Variants in SLC39A10 observed in about 807,000 individuals in gnomAD.
The protein encoded by SLC39A10 is solute carrier family 39 member 10.
SLC39A10 carries 13 observed loss-of-function variants against 65.1 expected under a neutral mutation model. The ratio of observed to expected loss-of-function variants is 0.20; its 90% CI spans 0.13 to 0.32. SLC39A10 has a LOEUF of 0.32. Ranked by LOEUF, SLC39A10 falls within the 10% of genes least tolerant of loss-of-function variation. The probability of loss-of-function intolerance (pLI) is 1.00; values close to 1 mark genes in which losing one functional copy is unlikely to be tolerated. For missense variants in SLC39A10, 831 were observed against 1,018.4 expected (o/e 0.82, Z 2.50); for synonymous variants, 321 against 342.2 (o/e 0.94, Z 0.68).
intron 9 of SLC39A10, among the ~76,000 whole-genome samples, chr2:195,734,217 C>T (rs1403161926): frequency 1.4e-5 from 2 of 148,050 alleles, no homozygotes; most frequent in Non-Finnish European, 3.0e-5. Context: ...GTTGCCCAGG[C>T]TGGAGTGCAG....
At position 195,706,843 on chromosome 2, in the gene SLC39A10, G is replaced by C. The variant is rs1039410723; in HGVS notation, c.1386+58G>C. 9.7e-5 allele frequency: 123 copies of C among 1,265,506 alleles called. 1 individual carries two copies. Among genetic ancestry groups the C allele is most frequent in the Non-Finnish European group, 1.2e-4 (119 of 965,792 alleles). The allele number at this position is 1,265,506 out of a possible 1,614,324, so 78.4% of individuals were successfully genotyped here. A position where few individuals can be genotyped will look rare whatever the true frequency, so the allele number is the denominator to read the frequency against. On this transcript the variant is annotated intron_variant, in intron 4 of 9. Coordinates refer to ENST00000359634, the MANE Select transcript of SLC39A10 (RefSeq NM_020342.3). ...AAAATAAAAATATTTAAGCTGAAAG[G>C]GTCCTTCATTAGCAAGCTATAGCAC...
At chr2:195,645,667 T>A (rs1199223644) in intron 2 of SLC39A10, among the ~76,000 whole-genome samples, 1 of 152,226 alleles carries the variant, frequency 6.6e-6, no homozygotes, top group Admixed American at 6.5e-5. Flanking sequence ...AAATACCTCA[T>A]AGAAGTGAAA....
At chr2:195,692,060 CTACATATGGCTTACCA>C (rs1690764271) in intron 3 of SLC39A10, among the ~76,000 whole-genome samples, 2 of 152,192 alleles carry the variant, frequency 1.3e-5, no homozygotes, top group African/African-American at 4.8e-5. Context: ...TTTCATTCTT[CTACATATGGCTTACCA>C]GTTATCCCAG....
chr2:195,719,708 C>T (rs1432592379), intron 8 of SLC39A10, among the ~76,000 whole-genome samples: 1 of 151,924 alleles, frequency 6.6e-6, no homozygotes, highest in Non-Finnish European at 1.5e-5. Context: ...GCCTCTGTCC[C>T]CTGGGTTCAA....
intron 3 of SLC39A10, among the ~76,000 whole-genome samples, chr2:195,690,865 T>G (rs967847828): frequency 2.6e-5 from 4 of 152,194 alleles, no homozygotes; most frequent in African/African-American, 9.7e-5. Flanking sequence ...TAAATTTTTA[T>G]TTCAATAGGT....
At chr2:195,620,195 A>T (rs1260265057) in intron 2 of SLC39A10, among the ~76,000 whole-genome samples, 1 of 152,124 alleles carries the variant, frequency 6.6e-6, no homozygotes, top group African/African-American at 2.4e-5. Context: ...AAGTGCTGGG[A>T]TTACAGACAT....
chr2:195,614,208 A>T (rs562590079), intron 2 of SLC39A10, among the ~76,000 whole-genome samples: 12 of 152,332 alleles, frequency 7.9e-5, no homozygotes, highest in African/African-American at 2.9e-4. Flanking sequence ...ATAGCATCTG[A>T]TACATAGTAG....
intron 8 of SLC39A10, among the ~76,000 whole-genome samples, chr2:195,719,790 T>C (rs145274581): frequency 6.8e-6 from 1 of 148,142 alleles, no homozygotes; most frequent in African/African-American, 2.5e-5. Context: ...GGCTAATTTT[T>C]GTTTTTTTTT....
rs528670757 is a variant in SLC39A10 at position 195,661,502 on chromosome 2, A to G, written c.-12+4221A>G. Among the ~76,000 whole-genome samples, 5 of 152,350 alleles carry G rather than the reference A, an allele frequency of 3.3e-5. No homozygotes were observed. The East Asian group carries it at 7.7e-4, about 23-fold the overall frequency. On this transcript the variant is annotated intron_variant, in intron 1 of 9. Coordinates refer to ENST00000359634, the MANE Select transcript of SLC39A10 (RefSeq NM_020342.3). Reference sequence around the variant, plus strand: ...CAATCCTCCCATCTTGGCCTCCCAAAGTGCTGGGATTACAGGCATGAGCCA... The same window carrying G: ...CAATCCTCCCATCTTGGCCTCCCAAGGTGCTGGGATTACAGGCATGAGCCA...
At chr2:195,625,036 G>A (rs1015153303) in intron 2 of SLC39A10, among the ~76,000 whole-genome samples, 1 of 149,856 alleles carries the variant, frequency 6.7e-6, no homozygotes, top group African/African-American at 2.5e-5. Context: ...GGACAACATG[G>A]TGAAAACCCA....
intron 1 of SLC39A10, among the ~76,000 whole-genome samples, chr2:195,670,025 G>A (rs1689791610): frequency 6.6e-6 from 1 of 152,048 alleles, no homozygotes. Context: ...TGGGTGTGGT[G>A]GTGTGTGCCT....
chr2:195,709,076 A>G (rs1009643735), intron 5 of SLC39A10, among the ~76,000 whole-genome samples: 1 of 151,980 alleles, frequency 6.6e-6, no homozygotes, highest in Non-Finnish European at 1.5e-5. Context: ...CTAGGCTGCA[A>G]TGCAGTGTTG....
rs962326503 is a variant in SLC39A10, at chr2:195,618,895, C to G, written c.-12+12662C>G. ...ATCACTTGAGGTCAGGAGTTTGGGA[C>G]CAGCCTGGTCAACATGGTGAAACCC... On this transcript the variant is annotated intron_variant, in intron 2 of 2. Coordinates refer to the SLC39A10 transcript ENST00000458054. Among the ~76,000 whole-genome samples the G allele has an allele frequency of 2.0e-5, 3 of 152,070 alleles. No individual in the cohort carries two copies. The South Asian group carries it at 6.2e-4, about 32-fold the overall frequency.
At chr2:195,678,721 T>TG (rs1690191090) in intron 1 of SLC39A10, among the ~76,000 whole-genome samples, 1 of 152,128 alleles carries the variant, frequency 6.6e-6, no homozygotes, top group African/African-American at 2.4e-5. Flanking sequence ...GCCACACGTC[T>TG]GTTGAGCACT....
chr2:195,663,593 C>T (rs1284081994), intron 1 of SLC39A10, among the ~76,000 whole-genome samples: 1 of 151,648 alleles, frequency 6.6e-6, no homozygotes, highest in Non-Finnish European at 1.5e-5. Flanking sequence ...TTTCTATTCC[C>T]ATGGACCTTT....
chr2:195,639,023 G>A (rs1165419945), intron 2 of SLC39A10, among the ~76,000 whole-genome samples: 1 of 150,574 alleles, frequency 6.6e-6, no homozygotes, highest in South Asian at 2.1e-4. Context: ...TGGAACCATC[G>A]TAGCTCACTA....
intron 2 of SLC39A10, among the ~76,000 whole-genome samples, chr2:195,638,090 T>A (rs889326514): frequency 6.6e-6 from 1 of 152,184 alleles, no homozygotes; most frequent in Non-Finnish European, 1.5e-5. Context: ...GGATGAAGAC[T>A]GTGAAAAGTC....
chr2:195,683,556 A>C, intron 2 of SLC39A10, 143 bp from the exon 3 acceptor site: 2 of 631,958 alleles, frequency 3.2e-6, no homozygotes, highest in African/African-American at 1.9e-5. Flanking sequence ...TTCTTATTAA[A>C]AAGTTTTATT....
chr2:195,730,690 T>A (rs1692406332), intron 9 of SLC39A10, among the ~76,000 whole-genome samples: 2 of 152,236 alleles, frequency 1.3e-5, no homozygotes. Flanking sequence ...ATCTTTATTA[T>A]AGGCCTTTCC....
Sources: allele counts gnomAD v4.1 joint callset (sites outside exome capture counted in the v4.1 genomes callset), GRCh38; gene constraint gnomAD v4.1.1; transcripts MANE v1.5; gene names NCBI Gene and HGNC (gene_info 2026-07-23, HGNC 2026-07-21).